Variants in KCNMA1 observed in about 807,000 individuals in gnomAD.
KCNMA1 encodes Calcium-activated potassium channel subunit alpha-1.
KCNMA1 carries 29 observed loss-of-function variants against 140.0 expected under a neutral mutation model. The observed-to-expected ratio is 0.21, with a 90% CI of 0.15 to 0.28. The LOEUF (loss-of-function observed/expected upper bound fraction) is 0.28, where lower values mean the gene tolerates loss of function less well. KCNMA1 is among the 10% of genes least tolerant of loss of function. The pLI is 1.00. For missense variants in KCNMA1, 880 were observed against 1,602.2 expected (o/e 0.55, Z 7.70); for synonymous variants, 612 against 611.9 (o/e 1.00, Z 0.00).
chr10:77,532,401 T>C (rs564541911), intron 1 of KCNMA1, among the ~76,000 whole-genome samples: 1 of 152,176 alleles, frequency 6.6e-6, no homozygotes, highest in African/African-American at 2.4e-5. Context: ...AGGGAAGAGG[T>C]TGGCAGCAGA....
intron 1 of KCNMA1, chr10:77,493,827 A>G (rs2154542836): frequency 6.6e-6 from 1 of 152,178 alleles, no homozygotes; most frequent in East Asian, 1.9e-4. Flanking sequence ...GAGTCACCAT[A>G]TTTCTTGTGA....
At chr10:77,255,044 C>T (rs1230658480) in intron 2 of KCNMA1, among the ~76,000 whole-genome samples, 2 of 152,182 alleles carry the variant, frequency 1.3e-5, no homozygotes, top group Non-Finnish European at 2.9e-5. Flanking sequence ...GTCCTGGTTG[C>T]TAAACTTGCC....
chr10:77,236,364 C>T (rs2055453066), intron 3 of KCNMA1, among the ~76,000 whole-genome samples: 1 of 152,174 alleles, frequency 6.6e-6, no homozygotes, highest in African/African-American at 2.4e-5. Context: ...CTTCAGTGAG[C>T]TCTGCAGTCC....
At chr10:77,053,280 G>T (rs1181249460) in intron 14 of KCNMA1, among the ~76,000 whole-genome samples, 2 of 152,210 alleles carry the variant, frequency 1.3e-5, no homozygotes, top group Admixed American at 6.5e-5. Context: ...CCAGTGCAGA[G>T]CTCTCCCTGG....
chr10:76,959,966 C>T (rs777208690), intron 20 of KCNMA1, among the ~76,000 whole-genome samples: 5 of 152,172 alleles, frequency 3.3e-5, no homozygotes, highest in Admixed American at 6.5e-5. Context: ...AGAGGCAAAG[C>T]CTTAACAAAA....
intron 1 of KCNMA1, among the ~76,000 whole-genome samples, chr10:77,413,557 C>G (rs1168567419): frequency 6.6e-6 from 1 of 152,066 alleles, no homozygotes; most frequent in Non-Finnish European, 1.5e-5. Context: ...AAGAGTTCTG[C>G]AAAGGGAATG....
chr10:76,896,085 G>GC (rs1399221903), intron 25 of KCNMA1, among the ~76,000 whole-genome samples: 1 of 152,196 alleles, frequency 6.6e-6, no homozygotes, highest in Non-Finnish European at 1.5e-5. Context: ...ACTAGAATTT[G>GC]CCGGGCTGGA....
At chr10:77,539,872 T>C (rs1265795586) in intron 1 of KCNMA1, among the ~76,000 whole-genome samples, 1 of 152,106 alleles carries the variant, frequency 6.6e-6, no homozygotes, top group Non-Finnish European at 1.5e-5. Flanking sequence ...TGATGGTACA[T>C]CTAAAAAAAT....
intron 3 of KCNMA1, among the ~76,000 whole-genome samples, chr10:77,246,235 T>C (rs970723225): frequency 1.3e-5 from 2 of 152,252 alleles, no homozygotes; most frequent in Non-Finnish European, 2.9e-5. Context: ...AATCTAATCC[T>C]GGCTCTACTG....
At chr10:77,224,546 A>G in intron 3 of KCNMA1, among the ~76,000 whole-genome samples, 1 of 152,046 alleles carries the variant, frequency 6.6e-6, no homozygotes, top group East Asian at 1.9e-4. Context: ...TTCTCACCAA[A>G]ACTGAAAACC....
chr10:76,941,119 GGA>G (rs1565063319), intron 23 of KCNMA1, among the ~76,000 whole-genome samples: 1,779 of 56,926 alleles, frequency 0.031, 84 homozygotes, highest in African/African-American at 0.14. Flanking sequence ...AGGGAGGGAG[GGA>G]AGGGAAGGGA....
At chr10:77,295,548 G>A (rs1269429902) in intron 2 of KCNMA1, among the ~76,000 whole-genome samples, 2 of 151,756 alleles carry the variant, frequency 1.3e-5, no homozygotes, top group Admixed American at 6.6e-5. Context: ...TTGGGAGGCC[G>A]AGGCGGGTGG....
chr10:76,944,689 T>A, intron 23 of KCNMA1, 84 bp downstream of exon 23: 1 of 1,315,236 alleles, frequency 7.6e-7, no homozygotes, highest in Non-Finnish European at 1.1e-6. Flanking sequence ...GTGAGCCTCT[T>A]TGAATTACTG....
At chr10:77,544,409 A>C (rs1352204759) in intron 1 of KCNMA1, among the ~76,000 whole-genome samples, 1 of 152,168 alleles carries the variant, frequency 6.6e-6, no homozygotes, top group Non-Finnish European at 1.5e-5. Context: ...CTGAATCTCC[A>C]AAAATCACTC....
At chr10:77,037,303 C>A (rs1404588617) in intron 15 of KCNMA1, among the ~76,000 whole-genome samples, 4 of 152,178 alleles carry the variant, frequency 2.6e-5, no homozygotes, top group Admixed American at 2.0e-4. Context: ...ACTATACTAA[C>A]CCCTTTGCTA....
chr10:77,153,852 C>G (rs1463059653), intron 5 of KCNMA1, among the ~76,000 whole-genome samples: 1 of 152,200 alleles, frequency 6.6e-6, no homozygotes, highest in East Asian at 1.9e-4. Context: ...CTGCTTCTCT[C>G]AGAGGCAGCA....
At chr10:77,016,260 C>A (rs1036393498) in intron 17 of KCNMA1, among the ~76,000 whole-genome samples, 1 of 152,120 alleles carries the variant, frequency 6.6e-6, no homozygotes, top group Non-Finnish European at 1.5e-5. Context: ...GAGAAGCTTT[C>A]ACTTATACCC....
intron 3 of KCNMA1, among the ~76,000 whole-genome samples, chr10:77,233,702 G>A (rs2054401402): frequency 6.6e-6 from 1 of 152,232 alleles, no homozygotes; most frequent in Non-Finnish European, 1.5e-5. Flanking sequence ...CAAGCCTGCT[G>A]TGATTCAAAC....
intron 25 of KCNMA1, among the ~76,000 whole-genome samples, chr10:76,895,421 A>C (rs12248157): frequency 0.32 from 47,924 of 152,092 alleles, 9,011 homozygotes; most frequent in Non-Finnish European, 0.41. Flanking sequence ...ATGACCCAGA[A>C]ATTCCACTCT....
Sources: allele counts gnomAD v4.1 joint callset (sites outside exome capture counted in the v4.1 genomes callset), GRCh38; gene constraint gnomAD v4.1.1; transcripts MANE v1.5; gene names NCBI Gene and HGNC (gene_info 2026-07-23, HGNC 2026-07-21).